Variants in PIAS2 observed in about 807,000 individuals in gnomAD.
PIAS2 encodes E3 SUMO-protein ligase PIAS2.
PIAS2 carries 19 observed loss-of-function variants against 69.7 expected under a neutral mutation model. The ratio of observed to expected loss-of-function variants is 0.27; its 90% CI spans 0.19 to 0.40. PIAS2 has a LOEUF of 0.40. Among genes scored for constraint, PIAS2 ranks in the 10% least tolerant of loss-of-function variants. The probability of loss-of-function intolerance (pLI) is 1.00; values close to 1 mark genes in which losing one functional copy is unlikely to be tolerated. For missense variants in PIAS2, 624 were observed against 757.0 expected, an observed-to-expected ratio of 0.82 and a Z score of 2.06; for synonymous variants, 261 against 263.2, an observed-to-expected ratio of 0.99 and a Z score of 0.08.
At chr18:46,916,529 G>A (rs531198522) in intron 1 of PIAS2, among the ~76,000 whole-genome samples, 1 of 152,210 alleles carries the variant, frequency 6.6e-6, no homozygotes, top group East Asian at 1.9e-4. Context: ...ATCAGTCTGG[G>A]GGGAAAAAGT....
chr18:46,836,331 T>C (rs772639504), intron 9 of PIAS2, 26 bp downstream of exon 9: 1 of 1,586,852 alleles, frequency 6.3e-7, no homozygotes, highest in East Asian at 2.2e-5. Context: ...TTAGTCCATA[T>C]CAGCTGTTAA....
At chr18:46,858,404 T>C (rs1046392000) in intron 3 of PIAS2, among the ~76,000 whole-genome samples, 3 of 152,288 alleles carry the variant, frequency 2.0e-5, no homozygotes, top group Non-Finnish European at 2.9e-5. Context: ...ACCATTACAA[T>C]TGAAGAGGCA....
intron 1 of PIAS2, among the ~76,000 whole-genome samples, chr18:46,899,008 A>G (rs2055355600): frequency 6.6e-6 from 1 of 151,732 alleles, no homozygotes; most frequent in Non-Finnish European, 1.5e-5. Context: ...AAAAAAAAAA[A>G]GCTTTGAATA....
At chr18:46,823,393 T>C (rs1392020472) in intron 11 of PIAS2, among the ~76,000 whole-genome samples, 1 of 152,204 alleles carries the variant, frequency 6.6e-6, no homozygotes, top group Non-Finnish European at 1.5e-5. Context: ...GTTTTGATCC[T>C]GATTGCCCTT....
chr18:46,840,553 TA>T (rs1278301964), intron 8 of PIAS2, among the ~76,000 whole-genome samples: 1 of 152,206 alleles, frequency 6.6e-6, no homozygotes, highest in Non-Finnish European at 1.5e-5. Context: ...GTCACAGCCT[TA>T]AAATTTCCAC....
intron 2 of PIAS2, among the ~76,000 whole-genome samples, chr18:46,888,049 T>C (rs900237100): frequency 1.3e-5 from 2 of 152,148 alleles, no homozygotes; most frequent in Non-Finnish European, 2.9e-5. Flanking sequence ...CAAAAATCAA[T>C]TGCATTTTTA....
intron 9 of PIAS2, among the ~76,000 whole-genome samples, chr18:46,834,457 A>G (rs984703652): frequency 6.6e-6 from 1 of 152,224 alleles, no homozygotes; most frequent in African/African-American, 2.4e-5. Flanking sequence ...ATCTTTTTTA[A>G]AAAAGGAATA....
chr18:46,839,163 T>C (rs991126344), intron 8 of PIAS2, among the ~76,000 whole-genome samples: 2 of 152,292 alleles, frequency 1.3e-5, no homozygotes, highest in East Asian at 1.9e-4. Context: ...ACAATCACTG[T>C]GTGGAAACAA....
intron 3 of PIAS2, among the ~76,000 whole-genome samples, chr18:46,862,762 G>C (rs1272041481): frequency 6.6e-6 from 1 of 152,004 alleles, no homozygotes; most frequent in Non-Finnish European, 1.5e-5. Context: ...CTGGAGTGCA[G>C]TGGTGCGATC....
At chr18:46,860,325 G>A (rs2048464631) in intron 3 of PIAS2, among the ~76,000 whole-genome samples, 1 of 152,178 alleles carries the variant, frequency 6.6e-6, no homozygotes, top group Admixed American at 6.5e-5. Context: ...GACACAAGAA[G>A]CAATCATCCG....
chr18:46,914,989 T>C (rs916875573), intron 1 of PIAS2: 8 of 152,146 alleles, frequency 5.3e-5, no homozygotes, highest in Admixed American at 2.0e-4. Flanking sequence ...CTTCCTTTAT[T>C]ATAATGTCAC....
intron 5 of PIAS2, among the ~76,000 whole-genome samples, chr18:46,850,556 G>A (rs1029075945): frequency 6.6e-6 from 1 of 152,004 alleles, no homozygotes; most frequent in Non-Finnish European, 1.5e-5. Flanking sequence ...GATTAAACTT[G>A]GGGTAAAAAT....
chr18:46,841,697 C>A (rs1028370835), intron 8 of PIAS2, among the ~76,000 whole-genome samples: 2 of 152,054 alleles, frequency 1.3e-5, no homozygotes. Flanking sequence ...ATTGATGAAC[C>A]CCCAGGAAAA....
At chr18:46,909,257 G>C (rs1236312794) in intron 1 of PIAS2, among the ~76,000 whole-genome samples, 2 of 152,110 alleles carry the variant, frequency 1.3e-5, no homozygotes, top group Admixed American at 6.6e-5. Flanking sequence ...TTATACTCGT[G>C]GGTAAAAACT....
intron 1 of PIAS2, chr18:46,903,454 A>G (rs1156885588): frequency 6.6e-6 from 1 of 151,608 alleles, no homozygotes; most frequent in East Asian, 1.9e-4. Flanking sequence ...AAGCACATAA[A>G]AATATGTTCA....
At chr18:46,833,977 C>G (rs1361436025) in intron 9 of PIAS2, among the ~76,000 whole-genome samples, 1 of 152,028 alleles carries the variant, frequency 6.6e-6, no homozygotes, top group Non-Finnish European at 1.5e-5. Context: ...ATTTTCCTCC[C>G]ACAGTGTCAT....
At chr18:46,918,894 T>C (rs1467848971), upstream of PIAS2, among the ~76,000 whole-genome samples, 2 of 152,162 alleles carry the variant, frequency 1.3e-5, no homozygotes, top group South Asian at 2.1e-4. Flanking sequence ...TCCCCTGTTA[T>C]GACCTCTCCT....
At chr18:46,848,371 T>C (rs1023505934) in intron 5 of PIAS2, among the ~76,000 whole-genome samples, 3 of 152,052 alleles carry the variant, frequency 2.0e-5, no homozygotes, top group Admixed American at 1.3e-4. Flanking sequence ...AGCCAGGGAG[T>C]ACAGCTAACC....
chr18:46,817,083 G>A (rs1282076363), intron 12 of PIAS2: 22 of 941,750 alleles, frequency 2.3e-5, no homozygotes, highest in East Asian at 1.2e-4. Flanking sequence ...TGGTATAACC[G>A]TTTTCTTTTT....
Sources: allele counts gnomAD v4.1 joint callset (sites outside exome capture counted in the v4.1 genomes callset), GRCh38; gene constraint gnomAD v4.1.1; transcripts MANE v1.5; gene names NCBI Gene and HGNC (gene_info 2026-07-23, HGNC 2026-07-21).